Variants in ATP13A4 observed in about 807,000 individuals in gnomAD.
The protein encoded by ATP13A4 is probable cation-transporting ATPase 13A4.
Under a neutral mutation model 142.5 loss-of-function variants are expected in ATP13A4, and 114 were observed. The ratio of observed to expected loss-of-function variants is 0.80; its 90% CI spans 0.69 to 0.93. ATP13A4 has a LOEUF of 0.93. ATP13A4 is among the 40% of genes least tolerant of loss of function. The probability of loss-of-function intolerance (pLI) is 0.00; values close to 1 mark genes in which losing one functional copy is unlikely to be tolerated. For synonymous variants in ATP13A4, 488 were observed against 514.8 expected (o/e 0.95, Z 0.70); for missense variants, 1,392 against 1,454.0 (o/e 0.96, Z 0.69).
chr3:193,440,628 T>C lies in ATP13A4; in HGVS notation c.2449A>G (p.Asn817Asp). The stretch of plus-strand genomic sequence containing the variant: ...GACATTCTTGCAAAGATGGTCCCAT[T>C]GATCAATATCTGTAAGGAACCCAAA... Reference protein sequence around the residue: ...FSSLLPKILINGTIFARMSPG... With the variant: ...FSSLLPKILIDGTIFARMSPG... The change falls in exon 21 of 30, where the codon AAT becomes GAT. Residue 817 changes from asparagine (N) to aspartate (D), a missense_variant. Transcript: ENST00000342695. 2 of 1,614,088 alleles carry C rather than the reference T, an allele frequency of 1.2e-6. No individual in the cohort carries two copies.
At chr3:193,455,340 C>CAAAAAAA (rs71179306) in intron 16 of ATP13A4, among the ~76,000 whole-genome samples, 1 of 75,558 alleles carries the variant, frequency 1.3e-5, no homozygotes, top group Non-Finnish European at 2.5e-5. Flanking sequence ...GACTCCGTCT[C>CAAAAAAA]AAAAAAAAAA....
chr3:193,437,300 A>G lies in ATP13A4; in HGVS notation c.2672+1175T>C, dbSNP rs148077376. ...AGCAGCTGCTTCCACCTATATAGCC[A>G]TCTTATTCCCTTTTACCCTTTTTAT... On this transcript the variant is annotated intron_variant, in intron 23 of 29. Coordinates refer to ENST00000342695, the MANE Select transcript of ATP13A4 (RefSeq NM_032279.4). Among the ~76,000 whole-genome samples, 1,019 of 151,606 alleles carry G rather than the reference A, an allele frequency of 6.7e-3. 17 individuals carry two copies. The highest frequency in any genetic ancestry group is 0.023 in the African/African-American group (947 of 41,374).
intron 23 of ATP13A4, among the ~76,000 whole-genome samples, chr3:193,435,967 G>A (rs1716243335): frequency 6.6e-6 from 1 of 152,202 alleles, no homozygotes; most frequent in South Asian, 2.1e-4. Context: ...CAAGGGCCTT[G>A]ATCTGGTGAT....
chr3:193,507,661 C>T (rs552871063), intron 2 of ATP13A4, among the ~76,000 whole-genome samples: 1 of 152,232 alleles, frequency 6.6e-6, no homozygotes, highest in South Asian at 2.1e-4. Context: ...TTGGGGCTTG[C>T]TCATTTTTGT....
intron 29 of ATP13A4, among the ~76,000 whole-genome samples, chr3:193,404,694 T>C (rs1714406957): frequency 6.6e-6 from 1 of 152,170 alleles, no homozygotes; most frequent in Non-Finnish European, 1.5e-5. Flanking sequence ...TGAAAGTTTC[T>C]TGGGGCCTCT....
At chr3:193,529,727 G>A (rs1258803997) in intron 1 of ATP13A4, among the ~76,000 whole-genome samples, 1 of 152,100 alleles carries the variant, frequency 6.6e-6, no homozygotes. Context: ...TCCCACAGAG[G>A]AATGATAACA....
chr3:193,470,931 T>A lies in ATP13A4; in HGVS notation c.871A>T (p.Asn291Tyr), dbSNP rs1171547430. Residue 291 changes from asparagine (N) to tyrosine (Y), a missense_variant, in exon 9 of 30, where the codon AAC becomes TAC. By Grantham distance (143) the Asn-to-Tyr change is moderately radical. Coordinates refer to ENST00000342695, the MANE Select transcript of ATP13A4 (RefSeq NM_032279.4). The part of the protein sequence containing the change: ...VPGDLLILTG[N>Y]KVLMPCDAVL... ...GCATCACATGGCATTAGCACTTTGTTCCCTGTCAAAATTAATAAATCTCCA... is the reference window on the plus strand; with the variant it reads ...GCATCACATGGCATTAGCACTTTGTACCCTGTCAAAATTAATAAATCTCCA... 1.2e-6 allele frequency: 2 copies of A among 1,614,150 alleles called. No homozygotes were observed. The highest frequency in any genetic ancestry group is 1.7e-6 in the Non-Finnish European group (2 of 1,180,022).
chr3:193,459,236 A>C lies in ATP13A4; in HGVS notation c.1524-5T>G. 1 of 1,614,240 alleles carries C rather than the reference A, an allele frequency of 6.2e-7. No homozygotes were observed. Among genetic ancestry groups the C allele is most frequent in the Non-Finnish European group, 8.5e-7 (1 of 1,180,032 alleles). ...AAGCTGTGAACTTCCTGAAAGCTTA[A>C]GGAGAAAAGGAAATGGGTTTCCATT... On this transcript the variant is annotated splice_polypyrimidine_tract_variant and splice_region_variant and intron_variant, in intron 13 of 29. Transcript: ENST00000342695.
intron 9 of ATP13A4, among the ~76,000 whole-genome samples, chr3:193,468,972 GC>G (rs1224183560): frequency 6.6e-6 from 1 of 152,230 alleles, no homozygotes; most frequent in Non-Finnish European, 1.5e-5. Flanking sequence ...ATGTTGAGAA[GC>G]CTTGTAGGCA....
At chr3:193,574,811 G>C (rs1190587176) in intron 2 of ATP13A4, among the ~76,000 whole-genome samples, 1 of 152,190 alleles carries the variant, frequency 6.6e-6, no homozygotes, top group Non-Finnish European at 1.5e-5. Context: ...TGTGGGGAGA[G>C]GGGTGGTTGG....
chr3:193,469,153 G>A (rs1160023421), intron 9 of ATP13A4, among the ~76,000 whole-genome samples: 1 of 152,184 alleles, frequency 6.6e-6, no homozygotes, highest in African/African-American at 2.4e-5. Flanking sequence ...GCCATGAGCA[G>A]CACCAACAAT....
chr3:193,407,506 ATGTGTGTATAT>A, intron 28 of ATP13A4, 113 bp from the exon 29 acceptor site: 3 of 739,012 alleles, frequency 4.1e-6, no homozygotes, highest in Non-Finnish European at 7.0e-6. Context: ...TGTAATATAT[ATGTGTGTATAT>A]TACATATATC....
In ATP13A4 at chr3:193,426,182, A is replaced by C. The variant is rs188635624; in HGVS notation, c.2842+7663T>G. On this transcript the variant is annotated intron_variant, in intron 25 of 29. Transcript: ENST00000342695. ...TGAATACAGCAATGTTTCAGGGCAT[A>C]AGATCAACACAAAAACAATCATCGT... Among the ~76,000 whole-genome samples, 6 of 151,938 alleles carry C rather than the reference A, an allele frequency of 3.9e-5. No individual in the cohort carries two copies. In the South Asian group the frequency reaches 1.0e-3, roughly 26 times the overall value.
At chr3:193,433,394 T>C (rs751826221) in intron 25 of ATP13A4, among the ~76,000 whole-genome samples, 1 of 152,032 alleles carries the variant, frequency 6.6e-6, no homozygotes, top group Non-Finnish European at 1.5e-5. Flanking sequence ...CATTAGAAGG[T>C]GGAGGGTAAG....
intron 1 of ATP13A4, chr3:193,554,486 C>T: frequency 1.8e-6 from 1 of 561,658 alleles, no homozygotes; most frequent in South Asian, 2.0e-5. Context: ...TCTCTGTTTT[C>T]TTTAAAAAGA....
At chr3:193,556,493 A>ATG (rs201649566), upstream of ATP13A4, among the ~76,000 whole-genome samples, 17,677 of 149,158 alleles carry the variant, frequency 0.12, 1,331 homozygotes, top group East Asian at 0.24. Flanking sequence ...GTGTGTGTGT[A>ATG]TGTGTGTGTG....
In ATP13A4 at chr3:193,493,003, A is replaced by G; in HGVS notation, c.453-6T>C. ...TAAGCCAGTCTTCCAAAGAACTAAA[A>G]TAATAATAATGAAAAGAACATATTT... On this transcript the variant is annotated splice_polypyrimidine_tract_variant and splice_region_variant and intron_variant, in intron 4 of 29. Coordinates refer to ENST00000342695, the MANE Select transcript of ATP13A4 (RefSeq NM_032279.4). The G allele has an allele frequency of 6.2e-7, 1 of 1,607,088 alleles. No homozygotes were observed. The highest frequency in any genetic ancestry group is 8.5e-7 in the Non-Finnish European group (1 of 1,174,338).
At position 193,399,845 on chromosome 3, in the gene ATP13A4, C is replaced by CAAAAAAA. The variant is rs71177402; in HGVS notation, c.*2800_*2806dup. On this transcript the variant is annotated 3_prime_UTR_variant, in exon 30 of 30. Coordinates refer to ENST00000342695, the MANE Select transcript of ATP13A4 (RefSeq NM_032279.4). ...TGGGCAACAGAGTGAGACTCCATCT[C>CAAAAAAA]AAAAAAAAAAAAAAAAAAAAAAGGT... is the stretch of plus-strand genomic sequence containing the variant. 4.1e-5 allele frequency among the ~76,000 whole-genome samples: 3 copies of CAAAAAAA among 72,706 alleles called. No individual in the cohort carries two copies. Among genetic ancestry groups the CAAAAAAA allele is most frequent in the African/African-American group, 5.8e-5 (1 of 17,360 alleles). The allele number at this position is 72,706 out of a possible 152,430, so 47.7% of individuals were successfully genotyped here.
chr3:193,457,469 T>C lies in ATP13A4; in HGVS notation c.1675-4A>G. The C allele has an allele frequency of 6.2e-7, 1 of 1,611,248 alleles. No homozygotes were observed. The highest frequency in any genetic ancestry group is 8.5e-7 in the Non-Finnish European group (1 of 1,177,814). On this transcript the variant is annotated splice_polypyrimidine_tract_variant and splice_region_variant and intron_variant, in intron 14 of 29. Coordinates refer to ENST00000342695, the MANE Select transcript of ATP13A4 (RefSeq NM_032279.4). ...CGTCCCCAGAAAAAGCCATTTCCTA[T>C]TTCACAAATAGGATATTTCATTGCA...
Sources: gnomAD v4.1 joint callset for allele counts (sites outside exome capture counted in the v4.1 genomes callset) on GRCh38, gnomAD v4.1.1 for gene constraint, MANE v1.5 for transcripts, NCBI Gene and HGNC (gene_info 2026-07-23, HGNC 2026-07-21) for gene names.